FXYD3: variants seen among roughly 807,000 people sequenced by gnomAD.
FXYD3 encodes FXYD domain containing ion transport regulator 3, also known as FXYD domain-containing ion transport regulator 3.
Under a neutral mutation model 19.2 loss-of-function variants are expected in FXYD3, and 13 were observed. The ratio of observed to expected loss-of-function variants is 0.68; its 90% CI spans 0.44 to 1.08. The LOEUF (loss-of-function observed/expected upper bound fraction) is 1.08, where lower values mean the gene tolerates loss of function less well. Ranked by LOEUF, FXYD3 falls within the 50% of genes least tolerant of loss-of-function variation. The pLI is 0.00. For synonymous variants in FXYD3, 48 were observed against 38.9 expected (o/e 1.23, Z -0.87); for missense variants, 101 against 109.4 (o/e 0.92, Z 0.34).
intron 3 of FXYD3, 53 bp downstream of exon 3, chr19:35,119,469 A>C: frequency 6.6e-7 from 1 of 1,506,882 alleles, no homozygotes; most frequent in Admixed American, 1.7e-5. Flanking sequence ...GGATGCGGGG[A>C]TCCAACCTCT....
intron 7 of FXYD3, 143 bp downstream of exon 7, chr19:35,123,097 G>A (rs1256676229): frequency 6.9e-7 from 1 of 1,458,624 alleles, no homozygotes; most frequent in Admixed American, 2.9e-5. Context: ...ATTGTTTCTA[G>A]CTGGTAATCC....
At position 35,116,278 on chromosome 19, in the gene FXYD3, T is replaced by G; in HGVS notation, c.-96T>G. ...TACCTGCCCAGGTTTGCTTAGGGCG[T>G]GGCAGCTTCGGATAAACGCAGGACT... On this transcript the variant is annotated 5_prime_UTR_variant, in exon 2 of 9. Coordinates refer to ENST00000604404, the MANE Select transcript of FXYD3 (RefSeq NM_005971.4). 1.0e-6 allele frequency: 1 copy of G among 985,424 alleles called. No individual in the cohort carries two copies. Among genetic ancestry groups the G allele is most frequent in the African/African-American group, 1.7e-5 (1 of 57,322 alleles). 61.0% of individuals were successfully genotyped at this position (985,424 alleles called of 1,614,324 possible). A position where few individuals can be genotyped will look rare whatever the true frequency, so the allele number is the denominator to read the frequency against.
At chr19:35,122,206 G>A (rs2065057701) in intron 5 of FXYD3, among the ~76,000 whole-genome samples, 1 of 151,874 alleles carries the variant, frequency 6.6e-6, no homozygotes, top group Non-Finnish European at 1.5e-5. Context: ...ACTGGCTGGA[G>A]TGCAATGGTG....
rs557371916 is a variant in FXYD3 at position 35,116,328 on chromosome 19, G to A, written c.-46G>A. 3.8e-5 allele frequency: 37 copies of A among 985,480 alleles called. No homozygotes were observed. In the East Asian group the frequency reaches 6.8e-4, roughly 18 times the overall value. The allele number at this position is 985,480 out of a possible 1,614,324, so 61.0% of individuals were successfully genotyped here. A position where few individuals can be genotyped will look rare whatever the true frequency, so the allele number is the denominator to read the frequency against. ...TCCGCCTGGCAGCCCGATTTCTCCC[G>A]GAACCTCTGCTCAGCCTGGTGAACC... is the stretch of plus-strand genomic sequence containing the variant. On this transcript the variant is annotated 5_prime_UTR_variant, in exon 2 of 9. Coordinates refer to ENST00000604404, the MANE Select transcript of FXYD3 (RefSeq NM_005971.4).
intron 2 of FXYD3, chr19:35,118,735 GTCCCC>G: frequency 3.5e-6 from 1 of 281,830 alleles, no homozygotes; most frequent in Non-Finnish European, 6.1e-6. Context: ...AGGAGGTAGA[GTCCCC>G]CTCTACCCCC....
Position 35,116,316 on chromosome 19 carries a change from C to CCGATTTCT in FXYD3, c.-56_-49dup. 1 of 985,498 alleles carries CCGATTTCT rather than the reference C, an allele frequency of 1.0e-6. No homozygotes were observed. The highest frequency in any genetic ancestry group is 1.2e-6 in the Non-Finnish European group (1 of 829,974). The allele number at this position is 985,498 out of a possible 1,614,324, so 61.0% of individuals were successfully genotyped here. A position where few individuals can be genotyped will look rare whatever the true frequency, so the allele number is the denominator to read the frequency against. ...TAAACGCAGGACTCCGCCTGGCAGC[C>CCGATTTCT]CGATTTCTCCCGGAACCTCTGCTCA... On this transcript the variant is annotated 5_prime_UTR_variant, in exon 2 of 9. Coordinates refer to ENST00000604404, the MANE Select transcript of FXYD3 (RefSeq NM_005971.4).
intron 2 of FXYD3, 33 bp from the exon 3 acceptor site, chr19:35,119,330 C>T (rs576060524): frequency 3.1e-6 from 5 of 1,612,528 alleles, no homozygotes; most frequent in East Asian, 2.2e-5. Flanking sequence ...CCCGGTGGCT[C>T]TGCTAAGGCC....
At chr19:35,119,660 T>TC in intron 3 of FXYD3, 1 of 468,848 alleles carries the variant, frequency 2.1e-6, no homozygotes, top group Admixed American at 4.8e-5. Flanking sequence ...TTTGGCTTTT[T>TC]TTGTTTTTGT....
chr19:35,121,126 C>T lies in FXYD3; in HGVS notation c.73+16C>T, dbSNP rs1568386504. 3.7e-6 allele frequency: 6 copies of T among 1,613,828 alleles called. No homozygotes were observed. The highest frequency in any genetic ancestry group is 1.1e-5 in the South Asian group (1 of 91,064). ...GACCTAGAAGGTGAGTCAGACTGGA[C>T]TCTCACCCGTCACACCCCCAAATTC... On this transcript the variant is annotated intron_variant, in intron 4 of 8. Coordinates refer to ENST00000604404, the MANE Select transcript of FXYD3 (RefSeq NM_005971.4).
rs752921420 is a variant in FXYD3, at chr19:35,122,692, T to A, written c.98-73T>A. 4.9e-6 allele frequency: 6 copies of A among 1,226,592 alleles called. No homozygotes were observed. The Admixed American group carries it at 1.0e-4, about 21-fold the overall frequency. 76.0% of individuals were successfully genotyped at this position (1,226,592 alleles called of 1,614,324 possible). A position where few individuals can be genotyped will look rare whatever the true frequency, so the allele number is the denominator to read the frequency against. On this transcript the variant is annotated intron_variant, in intron 5 of 8. Coordinates refer to ENST00000604404, the MANE Select transcript of FXYD3 (RefSeq NM_005971.4). ...GTGCATCCTAGGTGCTCCATATATA[T>A]TTGTCAAGAGAATGGGGGGACAGAT...
Position 35,122,801 on chromosome 19 carries a change from C to T in FXYD3, c.134C>T (p.Ala45Val). ...CTCCAGGTTGGCGGGCTCATCTGCG[C>T]TGGGGTTCTGTGCGCCATGGGCATC... ...HSLQVGGLICAGVLCAMGIII... is the reference protein window; with the variant it reads ...HSLQVGGLICVGVLCAMGIII... The change falls in exon 6 of 9, where the codon GCT (alanine) becomes GTT (valine). Residue 45 changes from alanine (A) to valine (V), a missense_variant. Physicochemically the swap from Ala to Val is moderately conservative, Grantham distance 64. Coordinates refer to ENST00000604404, the MANE Select transcript of FXYD3 (RefSeq NM_005971.4). The T allele has an allele frequency of 1.2e-6, 2 of 1,614,034 alleles. No individual in the cohort carries two copies. Among genetic ancestry groups the T allele is most frequent in the Non-Finnish European group, 1.7e-6 (2 of 1,180,026 alleles).
intron 3 of FXYD3, chr19:35,119,722 G>A (rs984993389): frequency 6.6e-6 from 3 of 452,314 alleles, no homozygotes; most frequent in South Asian, 2.5e-5. Context: ...TCAGGCTGGA[G>A]TGCAATGGCG....
rs1488168313 is a variant in FXYD3, at chr19:35,123,503, C to T, written c.*46C>T. 1 of 1,605,998 alleles carries T rather than the reference C, an allele frequency of 6.2e-7. No individual in the cohort carries two copies. The highest frequency in any genetic ancestry group is 1.1e-5 in the South Asian group (1 of 90,842). ...TTGGGTGGAGGACCGTTCTCTGTCC[C>T]CAGGTCCTGTCTCTGCACAGAAACT... On this transcript the variant is annotated 3_prime_UTR_variant, in exon 9 of 9. Coordinates refer to ENST00000604404, the MANE Select transcript of FXYD3 (RefSeq NM_005971.4).
In FXYD3 at chr19:35,124,291, G is replaced by C. The variant is rs1229330712; in HGVS notation, c.*834G>C. The C allele has an allele frequency of 6.6e-6, 1 of 152,158 alleles. No individual in the cohort carries two copies. Among genetic ancestry groups the C allele is most frequent in the Non-Finnish European group, 1.5e-5 (1 of 68,034 alleles). The allele number at this position is 152,158 out of a possible 1,614,324, so 9.4% of individuals were successfully genotyped here. A position where few individuals can be genotyped will look rare whatever the true frequency, so the allele number is the denominator to read the frequency against. On this transcript the variant is annotated 3_prime_UTR_variant, in exon 9 of 9. Transcript: ENST00000604404. The stretch of plus-strand genomic sequence containing the variant: ...ATGTCCTGAAACATGAACCCAAAAA[G>C]AGACCCACAATAAACTCGTGACTTG...
At chr19:35,120,714 G>A (rs1380436208) in intron 3 of FXYD3, among the ~76,000 whole-genome samples, 5 of 152,200 alleles carry the variant, frequency 3.3e-5, no homozygotes. Flanking sequence ...GATTGGACTT[G>A]GGGAAACAGG....
intron 2 of FXYD3, chr19:35,118,455 G>T: frequency 1.0e-6 from 1 of 989,600 alleles, no homozygotes. Flanking sequence ...TCGGAGGCCA[G>T]GGCTTGGTGC....
At chr19:35,121,300 C>T in intron 5 of FXYD3, 55 bp downstream of exon 5, 1 of 1,614,116 alleles carries the variant, frequency 6.2e-7, no homozygotes, top group Non-Finnish European at 8.5e-7. Flanking sequence ...TGCTTGGTGC[C>T]AAGGGTTCCC....
At chr19:35,121,186 A>G in intron 4 of FXYD3, 36 bp from the exon 5 acceptor site, 2 of 1,614,126 alleles carry the variant, frequency 1.2e-6, no homozygotes, top group Non-Finnish European at 1.7e-6. Flanking sequence ...TCCTGGCTGT[A>G]ATCCTGGATT....
intron 3 of FXYD3, chr19:35,119,674 T>C: frequency 1.8e-6 from 1 of 544,624 alleles, no homozygotes; most frequent in Non-Finnish European, 3.2e-6. Flanking sequence ...TTTTTGTTTT[T>C]GTTTTTGTTT....
Sources: gnomAD v4.1 joint callset for allele counts (sites outside exome capture counted in the v4.1 genomes callset) on GRCh38, gnomAD v4.1.1 for gene constraint, MANE v1.5 for transcripts, NCBI Gene and HGNC (gene_info 2026-07-23, HGNC 2026-07-21) for gene names.